Variants in MYOZ2 observed in about 807,000 individuals in gnomAD.
The protein encoded by MYOZ2 is myozenin 2.
A neutral mutation model predicts 25.4 loss-of-function variants in MYOZ2; 19 were observed. The ratio of observed to expected loss-of-function variants is 0.75; its 90% CI spans 0.52 to 1.10. The LOEUF is 1.10. MYOZ2 is among the 50% of genes least tolerant of loss of function. The pLI is 0.00. For missense variants in MYOZ2, 270 were observed against 317.9 expected, an observed-to-expected ratio of 0.85 and a Z score of 1.15; for synonymous variants, 92 against 106.9, an observed-to-expected ratio of 0.86 and a Z score of 0.86.
Position 119,145,506 on chromosome 4 carries a change from CTGTGTGTGTG to C in MYOZ2, c.77-5332_77-5323del, listed in dbSNP as rs200111377. Among the ~76,000 whole-genome samples, 760 of 128,218 alleles carry C rather than the reference CTGTGTGTGTG, an allele frequency of 5.9e-3. 6 individuals are homozygous for C. The highest frequency in any genetic ancestry group is 0.016 in the African/African-American group (550 of 34,730). 84.1% of individuals were successfully genotyped at this position (128,218 alleles called of 152,430 possible). A position where few individuals can be genotyped will look rare whatever the true frequency, so the allele number is the denominator to read the frequency against. On this transcript the variant is annotated intron_variant, in intron 2 of 5. Coordinates refer to ENST00000307128, the MANE Select transcript of MYOZ2 (RefSeq NM_016599.5). ...AACCCACCACCATGCCCAGCTAAAA[CTGTGTGTGTG>C]TGTGTGTGTGTGTGTGTGTGTGTGT...
intron 5 of MYOZ2, among the ~76,000 whole-genome samples, chr4:119,165,556 TTAAGA>T (rs1369524394): frequency 4.6e-5 from 7 of 151,970 alleles, no homozygotes; most frequent in Non-Finnish European, 7.4e-5. Flanking sequence ...TATTGTACTA[TTAAGA>T]TTTTAGTTTT....
At chr4:119,139,762 T>G (rs934592179) in intron 2 of MYOZ2, among the ~76,000 whole-genome samples, 10 of 152,154 alleles carry the variant, frequency 6.6e-5, no homozygotes, top group African/African-American at 2.4e-4. Context: ...GCTGACAGTT[T>G]AGAATAAGAG....
At chr4:119,163,437 G>A (rs555074062) in intron 4 of MYOZ2, among the ~76,000 whole-genome samples, 1 of 152,284 alleles carries the variant, frequency 6.6e-6, no homozygotes, top group East Asian at 1.9e-4. Context: ...AGATAACTGT[G>A]CCTTAGAAAA....
intron 2 of MYOZ2, among the ~76,000 whole-genome samples, chr4:119,148,876 T>G (rs1741378419): frequency 6.6e-6 from 1 of 152,016 alleles, no homozygotes; most frequent in Non-Finnish European, 1.5e-5. Context: ...ATTTGTCAGA[T>G]AGTTTTAATA....
intron 5 of MYOZ2, among the ~76,000 whole-genome samples, chr4:119,174,158 G>T (rs957920571): frequency 6.6e-6 from 1 of 152,226 alleles, no homozygotes; most frequent in Non-Finnish European, 1.5e-5. Flanking sequence ...CCACCCAGGG[G>T]CTGAGGAGTG....
intron 2 of MYOZ2, among the ~76,000 whole-genome samples, chr4:119,139,004 T>A (rs1741100658): frequency 6.6e-6 from 1 of 152,166 alleles, no homozygotes; most frequent in African/African-American, 2.4e-5. Flanking sequence ...AAAATTCTCT[T>A]CATATAGATT....
Position 119,136,562 on chromosome 4 carries a change from C to T in MYOZ2, c.37C>T (p.Gln13Ter). Reference protein sequence around the residue: ...SHNTMMKQRKQQATAIMKEVH... With the variant: ...SHNTMMKQRK ...TAATACTATGATGAAGCAGAGAAAA[C>T]AGCAAGCAACAGCCATCATGAAGGA... The change falls in exon 2 of 6, where the codon CAG becomes TAG. Residue 13 changes from glutamine to a stop codon, truncating the protein, a stop_gained. Transcript: ENST00000307128. LOFTEE classifies it high-confidence loss of function. 6.2e-7 allele frequency: 1 copy of T among 1,613,526 alleles called. No homozygotes were observed. The highest frequency in any genetic ancestry group is 8.5e-7 in the Non-Finnish European group (1 of 1,179,624).
chr4:119,170,746 A>G (rs1190363077), intron 5 of MYOZ2, among the ~76,000 whole-genome samples: 1 of 152,156 alleles, frequency 6.6e-6, no homozygotes, highest in Non-Finnish European at 1.5e-5. Context: ...AGGGAATAAG[A>G]GAGAGAAGCA....
chr4:119,180,485 T>C (rs527848852), intron 5 of MYOZ2, among the ~76,000 whole-genome samples: 1 of 152,360 alleles, frequency 6.6e-6, no homozygotes, highest in East Asian at 1.9e-4. Flanking sequence ...CTTTCTGTCA[T>C]ATAAATATTT....
rs397517289 is a variant in MYOZ2 at position 119,136,542 on chromosome 4, C to T, written c.17C>T (p.Thr6Ile). 1 of 1,613,510 alleles carries T rather than the reference C, an allele frequency of 6.2e-7. No individual in the cohort carries two copies. The highest frequency in any genetic ancestry group is 1.7e-5 in the Admixed American group (1 of 59,978). ...AAAAAAACCATGCTATCACATAATACTATGATGAAGCAGAGAAAACAGCAA... is the reference window on the plus strand; with the variant it reads ...AAAAAAACCATGCTATCACATAATATTATGATGAAGCAGAGAAAACAGCAA... MLSHN[T>I]MMKQRKQQAT... Residue 6 changes from threonine to isoleucine, a missense_variant, in exon 2 of 6, where the codon ACT (threonine) becomes ATT (isoleucine). Transcript: ENST00000307128.
At chr4:119,147,913 T>C (rs1040865692) in intron 2 of MYOZ2, among the ~76,000 whole-genome samples, 2 of 152,174 alleles carry the variant, frequency 1.3e-5, no homozygotes, top group Non-Finnish European at 2.9e-5. Context: ...CTATTGTATA[T>C]AGCTATATTT....
chr4:119,150,725 G>T, intron 2 of MYOZ2, 147 bp from the exon 3 acceptor site: 1 of 750,882 alleles, frequency 1.3e-6, no homozygotes, highest in South Asian at 1.8e-5. Flanking sequence ...CCACTTTAGA[G>T]ATGAAGGAAC....
At chr4:119,166,738 A>G (rs917665083) in intron 5 of MYOZ2, among the ~76,000 whole-genome samples, 1 of 152,126 alleles carries the variant, frequency 6.6e-6, no homozygotes, top group African/African-American at 2.4e-5. Flanking sequence ...TTCCAACATC[A>G]TGTGCTCACT....
chr4:119,160,653 T>C (rs1741687870), intron 4 of MYOZ2, among the ~76,000 whole-genome samples: 1 of 152,180 alleles, frequency 6.6e-6, no homozygotes, highest in Admixed American at 6.5e-5. Flanking sequence ...GGGGGAAAAC[T>C]GCATGCTTTA....
intron 3 of MYOZ2, among the ~76,000 whole-genome samples, chr4:119,153,268 C>A (rs1013805987): frequency 1.3e-5 from 2 of 152,210 alleles, no homozygotes; most frequent in East Asian, 3.9e-4. Context: ...CTGTAGATTG[C>A]AACTTGAAAG....
intron 5 of MYOZ2, among the ~76,000 whole-genome samples, chr4:119,180,968 A>T (rs968739767): frequency 6.6e-6 from 1 of 152,216 alleles, no homozygotes; most frequent in Non-Finnish European, 1.5e-5. Context: ...TAATTCTCTT[A>T]GGAAGGGAAC....
intron 2 of MYOZ2, among the ~76,000 whole-genome samples, chr4:119,141,143 T>C (rs1741151174): frequency 6.6e-6 from 1 of 152,218 alleles, no homozygotes; most frequent in African/African-American, 2.4e-5. Flanking sequence ...GGAAGAGTTC[T>C]GTGCAAATGC....
intron 4 of MYOZ2, among the ~76,000 whole-genome samples, chr4:119,158,807 A>G (rs1486414505): frequency 2.0e-5 from 3 of 152,182 alleles, no homozygotes; most frequent in South Asian, 2.1e-4. Flanking sequence ...TGACATATTA[A>G]TTACAATCCT....
intron 3 of MYOZ2, among the ~76,000 whole-genome samples, chr4:119,154,460 C>T (rs970377150): frequency 2.0e-5 from 3 of 152,024 alleles, no homozygotes; most frequent in Admixed American, 6.6e-5. Context: ...ATTTTCTTAA[C>T]GATGATGTAG....
Sources: allele counts gnomAD v4.1 joint callset (sites outside exome capture counted in the v4.1 genomes callset), GRCh38; gene constraint gnomAD v4.1.1; transcripts MANE v1.5; gene names NCBI Gene and HGNC (gene_info 2026-07-23, HGNC 2026-07-21).